The following MAPKBP1 variants were observed in gnomAD, a reference collection of about 807,000 sequenced individuals.
MAPKBP1 encodes the protein mitogen-activated protein kinase binding protein 1, also known as mitogen-activated protein kinase-binding protein 1.
MAPKBP1 carries 71 observed loss-of-function variants against 170.5 expected under a neutral mutation model. The ratio of observed to expected loss-of-function variants is 0.42; its 90% CI spans 0.34 to 0.51. The LOEUF (loss-of-function observed/expected upper bound fraction) is 0.51. MAPKBP1 is among the 20% of genes least tolerant of loss of function. MAPKBP1 has a pLI of 0.06. For synonymous variants in MAPKBP1, 719 were observed against 757.9 expected (o/e 0.95, Z 0.84); for missense variants, 1,598 against 1,933.0 (o/e 0.83, Z 3.25).
chr15:41,827,351 G>C lies in MAPKBP1; in HGVS notation c.*1915G>C, dbSNP rs571006723. The C allele has an allele frequency of 6.6e-6, 1 of 151,616 alleles. No homozygotes were observed. Among genetic ancestry groups the C allele is most frequent in the East Asian group, 1.9e-4 (1 of 5,168 alleles). 9.4% of individuals were successfully genotyped at this position (151,616 alleles called of 1,614,324 possible). ...AAAGGTTCCCAGCTCCGGGGCATCAGCCTGAGTGCGCTTGAGCTGCTCCAA... is the reference window on the plus strand; with the variant it reads ...AAAGGTTCCCAGCTCCGGGGCATCACCCTGAGTGCGCTTGAGCTGCTCCAA... On this transcript the variant is annotated 3_prime_UTR_variant, in exon 31 of 31. Coordinates refer to ENST00000457542, the MANE Select transcript of MAPKBP1 (RefSeq NM_014994.3).
intron 2 of MAPKBP1, among the ~76,000 whole-genome samples, chr15:41,778,094 C>T (rs2064126864): frequency 6.6e-6 from 1 of 152,130 alleles, no homozygotes; most frequent in Non-Finnish European, 1.5e-5. Flanking sequence ...GTCTTCATTT[C>T]CTAAGGATCG....
intron 22 of MAPKBP1, among the ~76,000 whole-genome samples, chr15:41,820,309 T>C: frequency 6.6e-6 from 1 of 152,102 alleles, no homozygotes; most frequent in East Asian, 1.9e-4. Flanking sequence ...GGTTTGTCCT[T>C]GGTGCTGTGA....
At chr15:41,819,749 G>GGTCT in intron 22 of MAPKBP1, 99 bp downstream of exon 22, 1 of 1,231,366 alleles carries the variant, frequency 8.1e-7, no homozygotes, top group Non-Finnish European at 1.1e-6. Flanking sequence ...TGGGGCATGG[G>GGTCT]GTCTGCCCAC....
At chr15:41,783,378 C>G (rs565910402) in intron 2 of MAPKBP1, among the ~76,000 whole-genome samples, 2 of 152,246 alleles carry the variant, frequency 1.3e-5, no homozygotes, top group Non-Finnish European at 2.9e-5. Flanking sequence ...TGTCCCATGT[C>G]CAGGCTGACC....
In MAPKBP1 at chr15:41,823,667, C is replaced by G. The variant is rs145168316; in HGVS notation, c.3819C>G (p.Pro1273=). ...GLVAEPQAHA[P]IRVSPLSKLA... Reference sequence around the variant, plus strand: ...TGGCTGAACCTCAAGCTCATGCCCCCATCCGAGTCTCACCACTCAGCAAGC... The same window carrying G: ...TGGCTGAACCTCAAGCTCATGCCCCGATCCGAGTCTCACCACTCAGCAAGC... The change falls in exon 29 of 31, where the codon CCC becomes CCG. Residue 1273 remains proline (P), a synonymous_variant. Coordinates refer to ENST00000457542, the MANE Select transcript of MAPKBP1 (RefSeq NM_014994.3). 1.9e-6 allele frequency: 3 copies of G among 1,614,206 alleles called. No homozygotes were observed. Among genetic ancestry groups the G allele is most frequent in the East Asian group, 2.2e-5 (1 of 44,884 alleles).
intron 2 of MAPKBP1, among the ~76,000 whole-genome samples, chr15:41,778,656 G>C (rs1413356619): frequency 1.3e-5 from 2 of 152,224 alleles, no homozygotes; most frequent in African/African-American, 4.8e-5. Context: ...CTGTAGACTT[G>C]TCATTTCCTG....
intron 10 of MAPKBP1, 76 bp from the exon 11 acceptor site, chr15:41,815,183 T>C: frequency 3.2e-6 from 5 of 1,573,580 alleles, no homozygotes; most frequent in Middle Eastern, 1.7e-4. Flanking sequence ...TTTCGTCCCA[T>C]TCCCTTCCAT....
chr15:41,787,950 TTTAA>T (rs968533641), intron 2 of MAPKBP1, among the ~76,000 whole-genome samples: 21 of 152,258 alleles, frequency 1.4e-4, no homozygotes, highest in African/African-American at 2.9e-4. Flanking sequence ...AGTTTTTTAT[TTTAA>T]TTAATTAATT....
intron 3 of MAPKBP1, among the ~76,000 whole-genome samples, chr15:41,802,876 C>T (rs1157250907): frequency 1.3e-5 from 2 of 152,150 alleles, no homozygotes; most frequent in African/African-American, 2.4e-5. Context: ...ATTAGCCTAG[C>T]GCATAGAACT....
rs535630326 is a variant in MAPKBP1 at position 41,819,598 on chromosome 15, C to T, written c.2429C>T (p.Ser810Leu). The change falls in exon 22 of 31, where the codon TCG becomes TTG. Residue 810 changes from serine to leucine, a missense_variant. Around this residue, in one of 6 missense-constraint regions of MAPKBP1, gnomAD observed 942 missense variants for 953.2 expected, o/e 0.99. Transcript: ENST00000457542. ...LAKSTKKALA[S>L]VPSPALPRSL... ...CTGACTGCCTGTTTCTGTCTAGCCT[C>T]GGTCCCCAGCCCAGCTTTGCCCCGA... 3.5e-5 allele frequency: 57 copies of T among 1,607,096 alleles called. No individual in the cohort carries two copies. Among genetic ancestry groups the T allele is most frequent in the African/African-American group, 2.4e-4 (18 of 73,790 alleles).
At chr15:41,783,347 T>C (rs1345477602) in intron 2 of MAPKBP1, among the ~76,000 whole-genome samples, 1 of 152,108 alleles carries the variant, frequency 6.6e-6, no homozygotes, top group Non-Finnish European at 1.5e-5. Context: ...CTCTTCCAGT[T>C]GGGAAAAAAT....
At chr15:41,777,354 A>AG (rs1372142277) in intron 2 of MAPKBP1, among the ~76,000 whole-genome samples, 83 of 151,830 alleles carry the variant, frequency 5.5e-4, no homozygotes, top group African/African-American at 2.0e-3. Context: ...AAAAAAAAAA[A>AG]AAGGAAAGGC....
chr15:41,823,352 T>C lies in MAPKBP1; in HGVS notation c.3599-95T>C, dbSNP rs568878357. The C allele has an allele frequency of 6.1e-5, 94 of 1,545,354 alleles. 1 individual carries two copies. In the East Asian group the frequency reaches 2.0e-3, roughly 33 times the overall value. ...GCCACTAGGTGTCCCTTAATGGGCA[T>C]GTGGAGGGGAACAGCAGCTCTTCGG... On this transcript the variant is annotated intron_variant, in intron 28 of 30. Transcript: ENST00000457542.
chr15:41,776,448 C>T (rs1337738217), intron 2 of MAPKBP1, among the ~76,000 whole-genome samples: 2 of 152,204 alleles, frequency 1.3e-5, no homozygotes, highest in Non-Finnish European at 2.9e-5. Context: ...GAAGAGCTTT[C>T]CTGTATATTT....
chr15:41,812,375 T>A (rs1317399534), intron 6 of MAPKBP1, 141 bp from the exon 7 acceptor site: 1 of 1,264,966 alleles, frequency 7.9e-7, no homozygotes, highest in African/African-American at 1.5e-5. Context: ...ATTATTTCCC[T>A]ACCCCTCTTT....
chr15:41,798,279 A>C (rs1455664343), intron 2 of MAPKBP1, among the ~76,000 whole-genome samples: 2 of 146,604 alleles, frequency 1.4e-5, no homozygotes, highest in Non-Finnish European at 3.0e-5. Context: ...AAATCTAAAC[A>C]GGTTCTCTAG....
intron 21 of MAPKBP1, 42 bp from the exon 22 acceptor site, chr15:41,819,553 G>GGGC: frequency 4.0e-6 from 6 of 1,502,876 alleles, no homozygotes; most frequent in Non-Finnish European, 5.5e-6. Flanking sequence ...GTGGCGGGGG[G>GGGC]GGGGCAGGAG....
At chr15:41,804,660 T>G (rs543558871) in intron 3 of MAPKBP1, among the ~76,000 whole-genome samples, 2 of 152,364 alleles carry the variant, frequency 1.3e-5, no homozygotes, top group East Asian at 3.9e-4. Flanking sequence ...TATGCATGTT[T>G]ATGAGCAGGT....
At position 41,812,634 on chromosome 15, in the gene MAPKBP1, A is replaced by G; in HGVS notation, c.617A>G (p.Asp206Gly). The G allele has an allele frequency of 6.2e-7, 1 of 1,610,268 alleles. No homozygotes were observed. The highest frequency in any genetic ancestry group is 8.5e-7 in the Non-Finnish European group (1 of 1,177,646). ...GNRHIKFWYL[D>G]DSKTSKVNAT... ...CGACACATCAAATTCTGGTATCTCG[A>G]TGACAGCAAGACCTCAAAGGTGAGG... The change falls in exon 7 of 31, where the codon GAT becomes GGT. Residue 206 changes from aspartate (D) to glycine (G), a missense_variant. Asp to Gly is a moderately conservative substitution (Grantham distance 94). This residue lies in a region of MAPKBP1 where 430 missense variants were observed against 617.2 expected (regional missense o/e 0.70). Transcript: ENST00000457542.
Sources: allele counts gnomAD v4.1 joint callset (sites outside exome capture counted in the v4.1 genomes callset), GRCh38; gene constraint gnomAD v4.1.1; regional missense constraint gnomAD v4.1.1; transcripts MANE v1.5; gene names NCBI Gene and HGNC (gene_info 2026-07-23, HGNC 2026-07-21).